CSNK1G3: variants seen among roughly 807,000 people sequenced by gnomAD.
CSNK1G3 encodes casein kinase 1 gamma 3.
A neutral mutation model predicts 64.3 loss-of-function variants in CSNK1G3; 23 were observed. The observed-to-expected ratio is 0.36, with a 90% CI of 0.26 to 0.51. The LOEUF is 0.51. Ranked by LOEUF, CSNK1G3 falls within the 20% of genes least tolerant of loss-of-function variation. CSNK1G3 has a pLI of 0.96. For missense variants in CSNK1G3, 357 were observed against 510.5 expected (o/e 0.70, Z 2.90); for synonymous variants, 158 against 162.2 (o/e 0.97, Z 0.20).
intron 10 of CSNK1G3, among the ~76,000 whole-genome samples, chr5:123,593,077 A>G (rs984900255): frequency 6.6e-6 from 1 of 151,858 alleles, no homozygotes; most frequent in Admixed American, 6.6e-5. Context: ...AATGTTTTAG[A>G]CTTTTAGTTT....
intron 12 of CSNK1G3, among the ~76,000 whole-genome samples, chr5:123,607,958 A>G (rs1357696868): frequency 7.9e-5 from 12 of 152,034 alleles, no homozygotes; most frequent in Non-Finnish European, 2.9e-5. Context: ...AAATTTGAGC[A>G]TGATTTTTTT....
chr5:123,559,978 A>G (rs971278511), intron 4 of CSNK1G3, among the ~76,000 whole-genome samples: 1 of 152,266 alleles, frequency 6.6e-6, no homozygotes, highest in Admixed American at 6.5e-5. Context: ...TTAAAAATAG[A>G]TATATTTAAG....
intron 4 of CSNK1G3, among the ~76,000 whole-genome samples, chr5:123,564,307 T>A (rs966682420): frequency 6.6e-6 from 1 of 152,018 alleles, no homozygotes; most frequent in Non-Finnish European, 1.5e-5. Context: ...TATTATAGTA[T>A]TTTCAATGAT....
At chr5:123,588,564 AT>A in intron 8 of CSNK1G3, 53 bp downstream of exon 8, 1 of 1,082,450 alleles carries the variant, frequency 9.2e-7, no homozygotes. Flanking sequence ...AGAAATGCTA[AT>A]TTTTATTGCT....
intron 3 of CSNK1G3, among the ~76,000 whole-genome samples, chr5:123,556,770 G>A (rs201997179): frequency 1.1e-4 from 7 of 62,760 alleles, no homozygotes; most frequent in Admixed American, 1.5e-4. Context: ...ATGTTTGTGT[G>A]TGTGTGTGTG....
chr5:123,517,533 A>AT (rs1434519545), intron 1 of CSNK1G3, among the ~76,000 whole-genome samples: 1 of 152,182 alleles, frequency 6.6e-6, no homozygotes, highest in Non-Finnish European at 1.5e-5. Context: ...GGAAAAAAAA[A>AT]CAAAAAACAC....
At chr5:123,551,761 T>C (rs1783697085) in intron 2 of CSNK1G3, among the ~76,000 whole-genome samples, 2 of 152,068 alleles carry the variant, frequency 1.3e-5, no homozygotes, top group African/African-American at 4.8e-5. Context: ...CAGTAGCCAA[T>C]GTGACCAGGG....
intron 6 of CSNK1G3, among the ~76,000 whole-genome samples, chr5:123,578,925 C>T (rs1789698648): frequency 6.6e-6 from 1 of 151,956 alleles, no homozygotes; most frequent in African/African-American, 2.4e-5. Flanking sequence ...AAAGTACAAA[C>T]TTAATTATCT....
At chr5:123,516,481 T>C (rs958247088) in intron 1 of CSNK1G3, among the ~76,000 whole-genome samples, 1 of 152,174 alleles carries the variant, frequency 6.6e-6, no homozygotes, top group Non-Finnish European at 1.5e-5. Context: ...CAACTATAAA[T>C]GTTTGGGCTT....
chr5:123,572,802 C>A (rs1788389600), intron 4 of CSNK1G3, among the ~76,000 whole-genome samples: 1 of 152,212 alleles, frequency 6.6e-6, no homozygotes, highest in South Asian at 2.1e-4. Context: ...CTGAATAGGT[C>A]AGGTCCACCA....
At chr5:123,578,763 G>T (rs141200534) in intron 6 of CSNK1G3, among the ~76,000 whole-genome samples, 42 of 151,748 alleles carry the variant, frequency 2.8e-4, no homozygotes, top group Middle Eastern at 3.4e-3. Flanking sequence ...TTTTATATCT[G>T]TGCTCCATCA....
intron 12 of CSNK1G3, among the ~76,000 whole-genome samples, chr5:123,606,936 A>G (rs957282438): frequency 2.3e-4 from 35 of 152,160 alleles, no homozygotes; most frequent in Admixed American, 2.1e-3. Context: ...TAAAAAAGGT[A>G]TTTTAAAAAA....
chr5:123,577,422 C>G (rs952003529), intron 6 of CSNK1G3, among the ~76,000 whole-genome samples: 1 of 152,018 alleles, frequency 6.6e-6, no homozygotes, highest in Non-Finnish European at 1.5e-5. Flanking sequence ...TACACACACA[C>G]AGAGACATAC....
intron 12 of CSNK1G3, among the ~76,000 whole-genome samples, chr5:123,613,608 G>A (rs1748916963): frequency 6.6e-6 from 1 of 151,540 alleles, no homozygotes; most frequent in East Asian, 1.9e-4. Flanking sequence ...CTGAGCTCAA[G>A]CAATCCTCCT....
intron 10 of CSNK1G3, 72 bp downstream of exon 11, chr5:123,595,206 G>A: frequency 7.6e-7 from 1 of 1,322,918 alleles, no homozygotes; most frequent in Non-Finnish European, 1.1e-6. Context: ...TGGAACTCAT[G>A]GCATGATTTC....
chr5:123,600,609 A>G (rs1561611663), intron 10 of CSNK1G3, among the ~76,000 whole-genome samples: 1 of 151,730 alleles, frequency 6.6e-6, no homozygotes. Flanking sequence ...TGGGTGACCG[A>G]ATAAGATGCC....
At chr5:123,555,960 T>G (rs1784547098) in intron 3 of CSNK1G3, among the ~76,000 whole-genome samples, 1 of 152,126 alleles carries the variant, frequency 6.6e-6, no homozygotes, top group South Asian at 2.1e-4. Context: ...TTTTAAGTAC[T>G]TTATATATAA....
At chr5:123,579,157 A>T (rs2150789864) in intron 6 of CSNK1G3, among the ~76,000 whole-genome samples, 1 of 151,978 alleles carries the variant, frequency 6.6e-6, no homozygotes, top group South Asian at 2.1e-4. Context: ...TACTCTATAG[A>T]GCATGTCCCT....
Position 123,524,634 on chromosome 5 carries a change from C to T in CSNK1G3, c.-248+12064C>T, listed in dbSNP as rs780148430. ...GTTCTTCTCATTTCTTTTCCTCTTC[C>T]TCCTCCTCCCCCACTGTAAGATAAT... On this transcript the variant is annotated intron_variant, in intron 1 of 12. Transcript: ENST00000345990. Among the ~76,000 whole-genome samples, 7 of 152,028 alleles carry T rather than the reference C, an allele frequency of 4.6e-5. No homozygotes were observed. The South Asian group carries it at 1.5e-3, about 32-fold the overall frequency.
Sources: gnomAD v4.1 joint callset for allele counts (sites outside exome capture counted in the v4.1 genomes callset) on GRCh38, gnomAD v4.1.1 for gene constraint, MANE v1.5 for transcripts, NCBI Gene and HGNC (gene_info 2026-07-23, HGNC 2026-07-21) for gene names.